The following CPNE4 variants were observed in gnomAD, a reference collection of about 807,000 sequenced individuals.
CPNE4 encodes copine-4.
A neutral mutation model predicts 67.9 loss-of-function variants in CPNE4; 25 were observed. The observed-to-expected ratio is 0.37, with a 90% CI of 0.27 to 0.51. The LOEUF (loss-of-function observed/expected upper bound fraction) is 0.51. CPNE4 is among the 20% of genes least tolerant of loss of function. The pLI, the probability that CPNE4 is intolerant of heterozygous loss-of-function variation, is 0.93. For synonymous variants in CPNE4, 242 were observed against 244.9 expected (o/e 0.99, Z 0.11); for missense variants, 464 against 690.8 (o/e 0.67, Z 3.68).
At chr3:131,789,820 C>T (rs947168441) in intron 2 of CPNE4, among the ~76,000 whole-genome samples, 1 of 152,070 alleles carries the variant, frequency 6.6e-6, no homozygotes, top group Non-Finnish European at 1.5e-5. Flanking sequence ...AAAATCCCTG[C>T]AGAATAGAGA....
At chr3:131,549,164 A>G (rs1173156212) in intron 14 of CPNE4, among the ~76,000 whole-genome samples, 7 of 152,182 alleles carry the variant, frequency 4.6e-5, no homozygotes, top group South Asian at 2.1e-4. Context: ...ATGGTCCTCC[A>G]TCCATTCTAA....
chr3:131,538,487 C>G (rs1040953955), intron 15 of CPNE4, among the ~76,000 whole-genome samples: 1 of 152,134 alleles, frequency 6.6e-6, no homozygotes, highest in African/African-American at 2.4e-5. Flanking sequence ...GTAATAAAAG[C>G]TTTATTTATT....
intron 1 of CPNE4, among the ~76,000 whole-genome samples, chr3:131,938,947 T>C (rs2071305176): frequency 6.6e-6 from 1 of 152,140 alleles, no homozygotes. Context: ...AAAATAACTG[T>C]CAACTTCCAA....
chr3:131,656,437 T>C (rs924259756), intron 7 of CPNE4, among the ~76,000 whole-genome samples: 10 of 152,202 alleles, frequency 6.6e-5, no homozygotes, highest in Non-Finnish European at 1.5e-4. Context: ...AGGGGTATTT[T>C]TCTAGGGGTC....
At chr3:131,986,119 C>T (rs1317963210) in intron 1 of CPNE4, among the ~76,000 whole-genome samples, 8 of 152,146 alleles carry the variant, frequency 5.3e-5, no homozygotes, top group Admixed American at 4.6e-4. Flanking sequence ...GAGAAGACTA[C>T]TGAAAGATCA....
intron 14 of CPNE4, 50 bp from the exon 15 acceptor site, chr3:131,542,843 G>A (rs781651578): frequency 3.8e-6 from 5 of 1,323,114 alleles, no homozygotes; most frequent in Non-Finnish European, 5.4e-6. Context: ...AGGTGAGGGA[G>A]ACAAGGACAA....
chr3:131,749,659 G>T (rs1325836667), intron 2 of CPNE4, among the ~76,000 whole-genome samples: 1 of 151,976 alleles, frequency 6.6e-6, no homozygotes, highest in African/African-American at 2.4e-5. Context: ...ATTTAAGATT[G>T]TTATGTCTTC....
At chr3:131,962,155 T>C (rs1242913080) in intron 1 of CPNE4, among the ~76,000 whole-genome samples, 1 of 149,266 alleles carries the variant, frequency 6.7e-6, no homozygotes, top group African/African-American at 2.6e-5. Context: ...TATTTGCTCC[T>C]CGAGGCCCTG....
chr3:131,997,394 GA>G (rs972662727), intron 1 of CPNE4, among the ~76,000 whole-genome samples: 2 of 152,096 alleles, frequency 1.3e-5, no homozygotes, highest in African/African-American at 4.8e-5. Context: ...GGACTCCTGA[GA>G]AATGGTCTAC....
intron 14 of CPNE4, among the ~76,000 whole-genome samples, chr3:131,544,591 A>G (rs540407232): frequency 1.3e-5 from 2 of 152,314 alleles, no homozygotes; most frequent in African/African-American, 2.4e-5. Context: ...ATATGTTCAC[A>G]AGGAAGTTGG....
At chr3:132,030,893 A>G (rs2107702943) in intron 1 of CPNE4, among the ~76,000 whole-genome samples, 1 of 152,344 alleles carries the variant, frequency 6.6e-6, no homozygotes, top group Non-Finnish European at 1.5e-5. Context: ...AGGCCTTACT[A>G]TAGACTATTT....
intron 6 of CPNE4, among the ~76,000 whole-genome samples, chr3:131,679,374 A>C (rs1481109521): frequency 2.0e-5 from 3 of 151,866 alleles, no homozygotes; most frequent in South Asian, 2.1e-4. Context: ...TTAAAAAAAA[A>C]CCTGCTCCTG....
intron 1 of CPNE4, among the ~76,000 whole-genome samples, chr3:131,966,597 T>C (rs2072355938): frequency 6.6e-6 from 1 of 152,154 alleles, no homozygotes. Context: ...TAAACAACTC[T>C]ACACAGATAA....
intron 2 of CPNE4, among the ~76,000 whole-genome samples, chr3:131,806,950 G>C (rs566055397): frequency 5.1e-4 from 77 of 152,328 alleles, no homozygotes; most frequent in Admixed American, 2.4e-3. Flanking sequence ...GTAAAGTGAA[G>C]CTTCTCTTAT....
At chr3:131,911,167 C>A (rs1201656377) in intron 1 of CPNE4, among the ~76,000 whole-genome samples, 1 of 152,114 alleles carries the variant, frequency 6.6e-6, no homozygotes, top group Non-Finnish European at 1.5e-5. Flanking sequence ...GAGACTCTCT[C>A]CCTTGTTGGC....
intron 11 of CPNE4, among the ~76,000 whole-genome samples, chr3:131,555,834 A>G (rs1375885650): frequency 1.3e-5 from 2 of 152,070 alleles, no homozygotes; most frequent in African/African-American, 2.4e-5. Flanking sequence ...CTACCCTTTC[A>G]TCAATGGCCT....
intron 1 of CPNE4, among the ~76,000 whole-genome samples, chr3:131,920,570 GTATTT>G (rs1005469906): frequency 6.6e-6 from 1 of 151,652 alleles, no homozygotes; most frequent in African/African-American, 2.4e-5. Flanking sequence ...GGGTGTGGGG[GTATTT>G]TAAAGTCAGT....
chr3:131,536,154 G>T, intron 15 of CPNE4, among the ~76,000 whole-genome samples: 1 of 152,136 alleles, frequency 6.6e-6, no homozygotes, highest in East Asian at 1.9e-4. Flanking sequence ...TGGAAAATTG[G>T]CTTGAGACCA....
At chr3:131,580,154 C>A (rs7651669) in intron 9 of CPNE4, among the ~76,000 whole-genome samples, 5,488 of 152,172 alleles carry the variant, frequency 0.036, 291 homozygotes, top group African/African-American at 0.12. Context: ...AGGTCCTCCA[C>A]CAGCAAAAAG....
Sources: gnomAD v4.1 joint callset for allele counts (sites outside exome capture counted in the v4.1 genomes callset) on GRCh38, gnomAD v4.1.1 for gene constraint, MANE v1.5 for transcripts, NCBI Gene and HGNC (gene_info 2026-07-23, HGNC 2026-07-21) for gene names.